The following AP3B2 variants were observed in gnomAD, a reference collection of about 807,000 sequenced individuals.
AP3B2 encodes adaptor related protein complex 3 subunit beta 2.
In AP3B2, 50 loss-of-function variants were observed where a neutral mutation model predicts 126.9. That is an observed-to-expected ratio of 0.39 (90% CI 0.31 to 0.50). The LOEUF is 0.50. Among genes scored for constraint, AP3B2 ranks in the 20% least tolerant of loss-of-function variants. The pLI is 0.79. For missense variants in AP3B2, 1,177 were observed against 1,426.4 expected (o/e 0.83, Z 2.82); for synonymous variants, 541 against 565.0 (o/e 0.96, Z 0.60).
intron 1 of AP3B2, among the ~76,000 whole-genome samples, chr15:82,696,735 T>G (rs1198621333): frequency 6.6e-6 from 1 of 152,214 alleles, no homozygotes; most frequent in African/African-American, 2.4e-5. Flanking sequence ...CATGGGCTGG[T>G]ATTCCTTGGC....
At position 82,669,932 on chromosome 15, in the gene AP3B2, C is replaced by T. The variant is rs539139450; in HGVS notation, c.1666-2999G>A. On this transcript the variant is annotated intron_variant, in intron 14 of 26. Transcript: ENST00000535359. ...AGGAGAATTGCTTGAACCCGGGAGG[C>T]AGAGGTTGTGGTGAGTGGAGATCGC... Among the ~76,000 whole-genome samples, 17 of 131,072 alleles carry T rather than the reference C, an allele frequency of 1.3e-4. No individual in the cohort carries two copies. The East Asian group carries it at 4.1e-3, about 31-fold the overall frequency. 86.0% of individuals were successfully genotyped at this position (131,072 alleles called of 152,430 possible). A position where few individuals can be genotyped will look rare whatever the true frequency, so the allele number is the denominator to read the frequency against.
intron 14 of AP3B2, among the ~76,000 whole-genome samples, chr15:82,668,730 C>T (rs1201954374): frequency 6.6e-6 from 1 of 152,098 alleles, no homozygotes; most frequent in Non-Finnish European, 1.5e-5. Context: ...GTGTGCACCA[C>T]CAAGACCCCC....
chr15:82,674,667 A>C (rs1288187320), intron 14 of AP3B2, among the ~76,000 whole-genome samples: 1 of 152,266 alleles, frequency 6.6e-6, no homozygotes, highest in African/African-American at 2.4e-5. Context: ...GCAGCACAGT[A>C]CCAGGCAAAT....
chr15:82,691,586 AG>A (rs2048533550), intron 1 of AP3B2: 1 of 584,312 alleles, frequency 1.7e-6, no homozygotes, highest in Admixed American at 4.2e-5. Flanking sequence ...GAAAGTATGT[AG>A]TTTTTTTTTC....
At chr15:82,677,430 C>T in intron 12 of AP3B2, 47 bp from the exon 13 acceptor site, 1 of 1,555,690 alleles carries the variant, frequency 6.4e-7, no homozygotes, top group Non-Finnish European at 8.8e-7. Flanking sequence ...GTCAGATGGC[C>T]ACACTCAGGT....
intron 1 of AP3B2, among the ~76,000 whole-genome samples, chr15:82,690,582 C>T (rs571859322): frequency 8.7e-5 from 13 of 148,798 alleles, no homozygotes; most frequent in African/African-American, 3.2e-4. Flanking sequence ...AGGACACGAA[C>T]TCATCCTTTT....
rs540715932 is a variant in AP3B2 at position 82,659,620 on chromosome 15, G to A, written c.3246C>T (p.Ser1082=). 35 of 1,613,946 alleles carry A rather than the reference G, an allele frequency of 2.2e-5. No individual in the cohort carries two copies. The highest frequency in any genetic ancestry group is 7.7e-5 in the South Asian group (7 of 91,078). ...PAGAAQLTVN[S]EKMVIGTMLV... is the part of the protein sequence containing the mutation. ...GCATGGTGCCAATCACCATTTTCTC[G>A]CTGTTGACAGTCAGCTGGGCAGCTC... The change falls in exon 27 of 27, where the codon AGC becomes AGT. Residue 1082 remains serine (S), a synonymous_variant. Transcript: ENST00000535359.
At chr15:82,689,287 A>C in intron 2 of AP3B2, 55 bp from the exon 3 acceptor site, 1 of 1,612,196 alleles carries the variant, frequency 6.2e-7, no homozygotes, top group South Asian at 1.1e-5. Flanking sequence ...GCACAGCACT[A>C]ACTAGAGGGA....
intron 4 of AP3B2, among the ~76,000 whole-genome samples, chr15:82,684,231 T>C (rs540708849): frequency 2.0e-5 from 3 of 152,372 alleles, no homozygotes; most frequent in South Asian, 2.1e-4. Context: ...TTCATTTACA[T>C]TGAGCATCTC....
rs1436458712 is a variant in AP3B2, at chr15:82,688,763, G to A, written c.333C>T (p.Ser111=). 6.2e-7 allele frequency: 1 copy of A among 1,612,832 alleles called. No individual in the cohort carries two copies. Among genetic ancestry groups the A allele is most frequent in the Non-Finnish European group, 8.5e-7 (1 of 1,179,514 alleles). The change falls in exon 4 of 27, where the codon TCC becomes TCT. Residue 111 remains serine (S), a synonymous_variant. Transcript: ENST00000535359. The part of the protein sequence containing the change: ...AEEQQDLALL[S]ISTFQRGLKD... ...TTAGGCCACGTTGGAAGGTGGAGAT[G>A]GACAGCAGGGCCAGGTCTTGCTGCT...
chr15:82,661,033 G>T (rs1166127235), intron 25 of AP3B2, among the ~76,000 whole-genome samples: 1 of 152,106 alleles, frequency 6.6e-6, no homozygotes, highest in African/African-American at 2.4e-5. Context: ...GTGGTTTGCA[G>T]ACACCTTCTG....
chr15:82,659,423 G>C lies in AP3B2; in HGVS notation c.*137C>G. 1 of 1,178,398 alleles carries C rather than the reference G, an allele frequency of 8.5e-7. No homozygotes were observed. The allele number at this position is 1,178,398 out of a possible 1,614,324, so 73.0% of individuals were successfully genotyped here. A position where few individuals can be genotyped will look rare whatever the true frequency, so the allele number is the denominator to read the frequency against. ...CATTAGGGGAGGGCTTGGTCCTCCA[G>C]AGGGAGAGAGGACACCCTGAATGCT... On this transcript the variant is annotated 3_prime_UTR_variant, in exon 27 of 27. Coordinates refer to ENST00000535359, the MANE Select transcript of AP3B2 (RefSeq NM_001278512.2).
At chr15:82,659,749 G>C (rs990924870) in intron 26 of AP3B2, 39 bp from the exon 27 acceptor site, 6 of 1,610,914 alleles carry the variant, frequency 3.7e-6, no homozygotes, top group Non-Finnish European at 3.4e-6. Context: ...GAGCTGCTAA[G>C]GGTGACTGTG....
intron 1 of AP3B2, chr15:82,691,923 CTTT>C: frequency 2.3e-6 from 3 of 1,332,618 alleles, no homozygotes; most frequent in Non-Finnish European, 3.2e-6. Context: ...TCCATGTCTT[CTTT>C]TCTGAGATAC....
intron 4 of AP3B2, chr15:82,687,256 G>A (rs536080606): frequency 1.2e-4 from 18 of 152,142 alleles, no homozygotes; most frequent in Non-Finnish European, 2.2e-4. Context: ...ATTGGAACAC[G>A]GCCACGCCCA....
Position 82,681,544 on chromosome 15 carries a change from C to T in AP3B2, c.397G>A (p.Val133Ile). The T allele has an allele frequency of 1.9e-6, 3 of 1,613,852 alleles. No homozygotes were observed. Among genetic ancestry groups the T allele is most frequent in the Non-Finnish European group, 2.5e-6 (3 of 1,179,862 alleles). The change falls in exon 5 of 27, where the codon GTC becomes ATC. Residue 133 changes from valine to isoleucine, a missense_variant. By Grantham distance (29) the Val-to-Ile change is conservative. Coordinates refer to ENST00000535359, the MANE Select transcript of AP3B2 (RefSeq NM_001278512.2). This position sits in a 1 kb window ranked among gnomAD's most constrained non-coding sequence, Gnocchi z 4.0. Reference protein sequence around the residue: ...NQLIRASALRVLSSIRVPIIV... With the variant: ...NQLIRASALRILSSIRVPIIV... ...ATGGGCACACGGATGCTAGAGAGGA[C>T]ACGGAGGGCACTGGCACGAATCAGC...
At chr15:82,675,781 G>A (rs2048232390) in intron 14 of AP3B2, among the ~76,000 whole-genome samples, 1 of 152,226 alleles carries the variant, frequency 6.6e-6, no homozygotes, top group Non-Finnish European at 1.5e-5. Flanking sequence ...GCCAATCCCT[G>A]TCCTGCTTAA....
At chr15:82,701,295 T>C (rs2048716345) in intron 1 of AP3B2, among the ~76,000 whole-genome samples, 1 of 152,138 alleles carries the variant, frequency 6.6e-6, no homozygotes, top group Admixed American at 6.5e-5. Context: ...CTGTACTTCC[T>C]TTCTTCCCTT....
chr15:82,669,658 C>T (rs529681260), intron 14 of AP3B2, among the ~76,000 whole-genome samples: 105 of 143,268 alleles, frequency 7.3e-4, no homozygotes, highest in African/African-American at 2.6e-3. Context: ...CGCCACTGCA[C>T]TCCAGCCTGG....
Sources: allele counts gnomAD v4.1 joint callset (sites outside exome capture counted in the v4.1 genomes callset), GRCh38; gene constraint gnomAD v4.1.1; non-coding constraint Gnocchi (gnomAD v3.1); transcripts MANE v1.5; gene names NCBI Gene and HGNC (gene_info 2026-07-23, HGNC 2026-07-21).